The following GREB1L variants were observed in gnomAD, a reference collection of about 807,000 sequenced individuals.
GREB1L encodes GREB1 like retinoic acid receptor coactivator, also known as GREB1-like protein.
A neutral mutation model predicts 200.8 loss-of-function variants in GREB1L; 17 were observed. That is an observed-to-expected ratio of 0.08 (90% confidence interval 0.06 to 0.13). GREB1L has a LOEUF of 0.13. Among genes scored for constraint, GREB1L ranks in the 10% least tolerant of loss-of-function variants. The pLI, the probability that GREB1L is intolerant of heterozygous loss-of-function variation, is 1.00. For synonymous variants in GREB1L, 789 were observed against 893.0 expected (o/e 0.88, Z 2.08); for missense variants, 1,657 against 2,367.7 (o/e 0.70, Z 6.23).
intron 5 of GREB1L, among the ~76,000 whole-genome samples, chr18:21,396,480 A>G (rs2041072671): frequency 6.6e-6 from 1 of 152,228 alleles, no homozygotes; most frequent in Admixed American, 6.5e-5. Flanking sequence ...ATAGTCATTG[A>G]TATCAAGTCA....
chr18:21,273,898 AT>A (rs1323014377), intron 1 of GREB1L, among the ~76,000 whole-genome samples: 5 of 152,326 alleles, frequency 3.3e-5, no homozygotes, highest in Admixed American at 3.3e-4. Flanking sequence ...GCATTTGTGC[AT>A]GTGATTAAAA....
intron 1 of GREB1L, among the ~76,000 whole-genome samples, chr18:21,264,351 T>C (rs1295030989): frequency 6.6e-6 from 1 of 152,186 alleles, no homozygotes; most frequent in Non-Finnish European, 1.5e-5. Context: ...TTATAATTGT[T>C]GTTCCTCTTC....
chr18:21,386,648 C>T (rs1190560835), intron 4 of GREB1L, among the ~76,000 whole-genome samples: 16 of 132,432 alleles, frequency 1.2e-4, no homozygotes, highest in African/African-American at 3.4e-4. Context: ...GGACTACAGG[C>T]GCCCGCTAAC....
chr18:21,276,458 AT>A (rs1350427766), intron 1 of GREB1L, among the ~76,000 whole-genome samples: 1 of 152,126 alleles, frequency 6.6e-6, no homozygotes, highest in East Asian at 1.9e-4. Context: ...ATCTTACATG[AT>A]TCCAAATAAG....
chr18:21,391,129 A>G (rs1439869034), intron 4 of GREB1L, among the ~76,000 whole-genome samples: 1 of 152,252 alleles, frequency 6.6e-6, no homozygotes, highest in Non-Finnish European at 1.5e-5. Flanking sequence ...AGGCCTTCAC[A>G]TTCACTCATT....
chr18:21,448,684 T>A (rs565629312), intron 11 of GREB1L, among the ~76,000 whole-genome samples: 1 of 152,238 alleles, frequency 6.6e-6, no homozygotes, highest in South Asian at 2.1e-4. Context: ...ATAGAGGGAG[T>A]GACTGTATTC....
chr18:21,294,579 T>C (rs1345517885), intron 1 of GREB1L, among the ~76,000 whole-genome samples: 1 of 151,740 alleles, frequency 6.6e-6, no homozygotes, highest in East Asian at 1.9e-4. Context: ...CTTGGTAGGG[T>C]CAATTGTTTA....
Position 21,508,407 on chromosome 18 carries a change from C to T in GREB1L, c.4551C>T (p.Ser1517=). The T allele has an allele frequency of 6.4e-7, 1 of 1,551,634 alleles. No individual in the cohort carries two copies. Among genetic ancestry groups the T allele is most frequent in the Non-Finnish European group, 8.7e-7 (1 of 1,146,990 alleles). The change falls in exon 27 of 33, where the codon AGC becomes AGT. Residue 1517 remains serine (S), a synonymous_variant. Coordinates refer to ENST00000424526, the MANE Select transcript of GREB1L (RefSeq NM_001142966.3). The stretch of plus-strand genomic sequence containing the variant: ...AGCAGAATTTGAATGCAGTCAAGAG[C>T]CCTATTTTCACTCCTTCCAGTGGTC... ...VSDKNLNAVK[S]PIFTPSSGRH...
At chr18:21,283,452 A>T (rs1265364307) in intron 1 of GREB1L, among the ~76,000 whole-genome samples, 1 of 152,224 alleles carries the variant, frequency 6.6e-6, no homozygotes, top group African/African-American at 2.4e-5. Context: ...GAGGTTTCTA[A>T]TGCCTGTTTA....
chr18:21,473,125 G>A lies in GREB1L; in HGVS notation c.2277G>A (p.Lys759=). 1 of 1,550,980 alleles carries A rather than the reference G, an allele frequency of 6.4e-7. No homozygotes were observed. Among genetic ancestry groups the A allele is most frequent in the Non-Finnish European group, 8.7e-7 (1 of 1,146,582 alleles). The change falls in exon 16 of 33, where the codon AAG becomes AAA. Residue 759 remains lysine (K), a synonymous_variant. Transcript: ENST00000424526. The stretch of plus-strand genomic sequence containing the variant: ...GTCTAGACAATGAGATTCAAACCAA[G>A]TTTGAAGTTTTTATGAGGAGAGTGA... The part of the protein sequence containing the change: ...VVRLDNEIQT[K]FEVFMRRVKQ...
chr18:21,296,568 G>A (rs1234370598), intron 1 of GREB1L, among the ~76,000 whole-genome samples: 3 of 151,884 alleles, frequency 2.0e-5, no homozygotes, highest in Admixed American at 6.6e-5. Flanking sequence ...TAAGATAAAA[G>A]TGGAAATTAT....
intron 7 of GREB1L, among the ~76,000 whole-genome samples, chr18:21,430,231 A>C (rs1188320478): frequency 1.3e-5 from 2 of 152,128 alleles, no homozygotes; most frequent in Non-Finnish European, 2.9e-5. Context: ...AATTCAGTCT[A>C]TAACAATGGC....
intron 27 of GREB1L, among the ~76,000 whole-genome samples, chr18:21,510,599 C>T (rs569190660): frequency 1.3e-5 from 2 of 152,328 alleles, no homozygotes; most frequent in South Asian, 4.2e-4. Flanking sequence ...CGTCAGTGGA[C>T]ACTTGGGCTG....
At chr18:21,461,036 G>A (rs1357484048) in intron 15 of GREB1L, among the ~76,000 whole-genome samples, 1 of 150,936 alleles carries the variant, frequency 6.6e-6, no homozygotes. Context: ...GGCAGAGGTT[G>A]CAGTGAGCCG....
intron 1 of GREB1L, among the ~76,000 whole-genome samples, chr18:21,335,038 T>C (rs187361990): frequency 6.6e-6 from 1 of 152,248 alleles, no homozygotes; most frequent in Non-Finnish European, 1.5e-5. Context: ...GAACTTTGGG[T>C]TTTCTCCTTC....
intron 1 of GREB1L, among the ~76,000 whole-genome samples, chr18:21,291,380 T>G (rs1415407485): frequency 6.6e-6 from 1 of 152,196 alleles, no homozygotes; most frequent in African/African-American, 2.4e-5. Flanking sequence ...TATCTACCCT[T>G]CACTCACTAT....
intron 28 of GREB1L, among the ~76,000 whole-genome samples, chr18:21,514,744 C>T (rs2037357744): frequency 6.6e-6 from 1 of 152,168 alleles, no homozygotes; most frequent in Non-Finnish European, 1.5e-5. Flanking sequence ...AGTCATGCTT[C>T]TTAACTGTCT....
At chr18:21,516,854 G>T in intron 30 of GREB1L, 100 bp downstream of exon 30, 101 of 788,906 alleles carry the variant, frequency 1.3e-4, no homozygotes, top group Non-Finnish European at 1.7e-4. Context: ...TATTTTATTA[G>T]AAAAGTGAAA....
At chr18:21,315,515 T>C (rs2038854052) in intron 1 of GREB1L, among the ~76,000 whole-genome samples, 1 of 152,160 alleles carries the variant, frequency 6.6e-6, no homozygotes, top group Non-Finnish European at 1.5e-5. Flanking sequence ...TCAACACATA[T>C]CATTTTAAAT....
Sources: gnomAD v4.1 joint callset for allele counts (sites outside exome capture counted in the v4.1 genomes callset) on GRCh38, gnomAD v4.1.1 for gene constraint, MANE v1.5 for transcripts, NCBI Gene and HGNC (gene_info 2026-07-23, HGNC 2026-07-21) for gene names.